IQCM: variants seen among roughly 807,000 people sequenced by gnomAD.
IQCM encodes the protein IQ domain-containing protein M.
In IQCM, 45 loss-of-function variants were observed where a neutral mutation model predicts 57.6. The ratio of observed to expected loss-of-function variants is 0.78; its 90% CI spans 0.62 to 1.00. The LOEUF (loss-of-function observed/expected upper bound fraction) is 1.00, where lower values mean the gene tolerates loss of function less well. IQCM is among the 50% of genes least tolerant of loss of function. The pLI is 0.00. For missense variants in IQCM, 468 were observed against 511.6 expected (o/e 0.91, Z 0.82); for synonymous variants, 148 against 158.9 (o/e 0.93, Z 0.51).
At chr4:149,384,622 G>C (rs940109782) in intron 13 of IQCM, among the ~76,000 whole-genome samples, 1 of 152,002 alleles carries the variant, frequency 6.6e-6, no homozygotes, top group Admixed American at 6.6e-5. Context: ...TTGTTAAAAT[G>C]ATTTATAAGC....
At chr4:149,788,015 G>A (rs186708798) in intron 2 of IQCM, among the ~76,000 whole-genome samples, 1 of 152,256 alleles carries the variant, frequency 6.6e-6, no homozygotes, top group East Asian at 1.9e-4. Flanking sequence ...GTTGGCAAAG[G>A]ACGTGAATAG....
chr4:149,717,269 A>G (rs1237815899), intron 5 of IQCM, among the ~76,000 whole-genome samples: 1 of 152,146 alleles, frequency 6.6e-6, no homozygotes, highest in Non-Finnish European at 1.5e-5. Flanking sequence ...CCCTCAACCT[A>G]TGGGATCTGA....
intron 12 of IQCM, among the ~76,000 whole-genome samples, chr4:149,484,248 A>G (rs1741225051): frequency 6.6e-6 from 1 of 151,758 alleles, no homozygotes; most frequent in Admixed American, 6.6e-5. Context: ...TTGTTTTTTC[A>G]TCCATTCAGC....
intron 13 of IQCM, among the ~76,000 whole-genome samples, chr4:149,356,973 C>T (rs534934896): frequency 1.6e-4 from 25 of 152,154 alleles, no homozygotes; most frequent in African/African-American, 4.1e-4. Flanking sequence ...CCCTTGTAAG[C>T]TGGATTCCTA....
At chr4:149,714,475 T>C (rs1764826988) in intron 5 of IQCM, among the ~76,000 whole-genome samples, 1 of 152,182 alleles carries the variant, frequency 6.6e-6, no homozygotes, top group Non-Finnish European at 1.5e-5. Flanking sequence ...AACTCTCTAT[T>C]CAATATCTCC....
At chr4:149,724,844 T>C (rs1465632013) in intron 5 of IQCM, among the ~76,000 whole-genome samples, 8 of 152,012 alleles carry the variant, frequency 5.3e-5, no homozygotes, top group Non-Finnish European at 1.2e-4. Flanking sequence ...ATTAATATTT[T>C]ATATATATTA....
chr4:149,809,243 C>T (rs561558905), intron 2 of IQCM, among the ~76,000 whole-genome samples: 5 of 149,862 alleles, frequency 3.3e-5, no homozygotes, highest in African/African-American at 1.2e-4. Flanking sequence ...AGCCTGGAGA[C>T]AGAATGAGAC....
At chr4:149,562,001 G>T (rs1319755081) in intron 10 of IQCM, among the ~76,000 whole-genome samples, 3 of 152,130 alleles carry the variant, frequency 2.0e-5, no homozygotes, top group Non-Finnish European at 4.4e-5. Flanking sequence ...GAAAATATAA[G>T]ATGACAAGAA....
intron 12 of IQCM, among the ~76,000 whole-genome samples, chr4:149,473,679 C>T (rs370679351): frequency 2.6e-5 from 4 of 152,102 alleles, no homozygotes; most frequent in East Asian, 3.9e-4. Context: ...TGCACATGTA[C>T]GTTTATTATG....
chr4:149,505,411 T>C (rs1027732852), intron 12 of IQCM, among the ~76,000 whole-genome samples: 4 of 152,214 alleles, frequency 2.6e-5, no homozygotes, highest in African/African-American at 9.6e-5. Context: ...CCAATATATG[T>C]TACCAAATTA....
chr4:149,710,318 C>T (rs1764467649), intron 5 of IQCM, among the ~76,000 whole-genome samples: 1 of 152,012 alleles, frequency 6.6e-6, no homozygotes, highest in South Asian at 2.1e-4. Flanking sequence ...AACCCAAGGC[C>T]CAGCATTGGG....
chr4:149,563,620 T>C, intron 10 of IQCM, 72 bp downstream of exon 10: 1 of 1,000,354 alleles, frequency 1.0e-6, no homozygotes, highest in East Asian at 3.3e-5. Flanking sequence ...ACCAGATGAC[T>C]ATTCAAAATT....
chr4:149,708,468 T>C (rs1339112688), intron 5 of IQCM, among the ~76,000 whole-genome samples: 1 of 151,646 alleles, frequency 6.6e-6, no homozygotes, highest in African/African-American at 2.4e-5. Flanking sequence ...AGTATACCAA[T>C]AAAAAATCTT....
intron 4 of IQCM, 54 bp from the exon 5 acceptor site, chr4:149,733,562 TTTAATAAAG>T: frequency 1.2e-6 from 1 of 857,294 alleles, no homozygotes; most frequent in Non-Finnish European, 1.5e-6. Context: ...GTATGCATTA[TTTAATAAAG>T]TTATATATTT....
Position 149,413,420 on chromosome 4 carries a change from T to C in IQCM, c.1390+19976A>G, listed in dbSNP as rs563436400. 2.6e-5 allele frequency among the ~76,000 whole-genome samples: 4 copies of C among 152,240 alleles called. No homozygotes were observed. The South Asian group carries it at 8.3e-4, about 32-fold the overall frequency. On this transcript the variant is annotated intron_variant, in intron 13 of 13. Transcript: ENST00000636793. ...TAAACCTGTAGCGGGGAGCAGAGGC[T>C]GACGCTGAGATAGGGTGGGCAGGGG...
intron 13 of IQCM, among the ~76,000 whole-genome samples, chr4:149,373,561 G>GACTATAAT (rs1730507850): frequency 6.6e-6 from 1 of 152,002 alleles, no homozygotes; most frequent in Non-Finnish European, 1.5e-5. Flanking sequence ...CTAGTCAACA[G>GACTATAAT]ACTATAATTT....
intron 12 of IQCM, among the ~76,000 whole-genome samples, chr4:149,507,897 T>C (rs1322087363): frequency 6.6e-6 from 1 of 151,540 alleles, no homozygotes; most frequent in Admixed American, 6.6e-5. Context: ...GGAAAAATGG[T>C]TTGGTGGGCT....
chr4:149,553,120 C>T, intron 11 of IQCM, 23 bp downstream of exon 11: 2 of 1,230,996 alleles, frequency 1.6e-6, no homozygotes, highest in Non-Finnish European at 2.0e-6. Context: ...TAAATTCAAA[C>T]CAGAAGTGTC....
At chr4:149,553,481 G>A (rs887112900) in intron 10 of IQCM, among the ~76,000 whole-genome samples, 194 bp from the exon 11 acceptor site, 1 of 152,088 alleles carries the variant, frequency 6.6e-6, no homozygotes, top group African/African-American at 2.4e-5. Flanking sequence ...ATTATGAATT[G>A]CTTTGTCATT....
Sources: allele counts gnomAD v4.1 joint callset (sites outside exome capture counted in the v4.1 genomes callset), GRCh38; gene constraint gnomAD v4.1.1; transcripts MANE v1.5; gene names NCBI Gene and HGNC (gene_info 2026-07-23, HGNC 2026-07-21).